The following POU6F2 variants were observed in gnomAD, a reference collection of about 807,000 sequenced individuals.
The protein encoded by POU6F2 is POU domain, class 6, transcription factor 2.
Under a neutral mutation model 71.3 loss-of-function variants are expected in POU6F2, and 31 were observed. The observed-to-expected ratio is 0.43, with a 90% confidence interval of 0.33 to 0.59. POU6F2 has a LOEUF of 0.59. POU6F2 is among the 20% of genes least tolerant of loss of function. The probability of loss-of-function intolerance (pLI) is 0.04; values close to 1 mark genes in which losing one functional copy is unlikely to be tolerated. For synonymous variants in POU6F2, 347 were observed against 355.7 expected, an observed-to-expected ratio of 0.98 and a Z score of 0.27; for missense variants, 783 against 856.8, an observed-to-expected ratio of 0.91 and a Z score of 1.07.
chr7:39,034,582 T>C, intron 1 of POU6F2: 1 of 309,912 alleles, frequency 3.2e-6, no homozygotes, highest in Non-Finnish European at 7.0e-6. Context: ...AGAAGGTCAC[T>C]AGGGGAATCG....
chr7:39,326,543 A>G (rs1356555160), intron 4 of POU6F2, among the ~76,000 whole-genome samples: 3 of 152,258 alleles, frequency 2.0e-5, no homozygotes, highest in Non-Finnish European at 4.4e-5. Flanking sequence ...ATCAAGGAAC[A>G]TGTAGAATCT....
rs1304065851 is a variant in POU6F2, at chr7:39,391,676, G to A, written c.973-14924G>A. Among the ~76,000 whole-genome samples, 3 of 152,130 alleles carry A rather than the reference G, an allele frequency of 2.0e-5. 1 individual carries two copies. Among genetic ancestry groups the A allele is most frequent in the East Asian group, 3.9e-4 (2 of 5,188 alleles). ...AGATGGCAACCCTCTCTTGCAAAGC[G>A]ACAACCAACCCTTTCTCTTCCTCCC... On this transcript the variant is annotated intron_variant, in intron 5 of 9. Transcript: ENST00000518318.
intron 1 of POU6F2, among the ~76,000 whole-genome samples, chr7:39,028,313 T>A (rs1426509079): frequency 6.6e-6 from 1 of 152,194 alleles, no homozygotes; most frequent in East Asian, 1.9e-4. Flanking sequence ...CATTTTTTAA[T>A]TTTGATGCAG....
chr7:39,444,591 C>T (rs1002233878), intron 7 of POU6F2, among the ~76,000 whole-genome samples: 1 of 152,190 alleles, frequency 6.6e-6, no homozygotes, highest in Non-Finnish European at 1.5e-5. Context: ...CTCAAACAAA[C>T]AAACAACCAG....
rs1232055444 is a variant in POU6F2, at chr7:39,466,405, G to A, written c.*1719G>A. Reference sequence around the variant, plus strand: ...CAGCTGCCACTGGTGTTTTCACCCAGGTACAGGCAGACGGTGTTCCATTAA... The same window carrying A: ...CAGCTGCCACTGGTGTTTTCACCCAAGTACAGGCAGACGGTGTTCCATTAA... On this transcript the variant is annotated 3_prime_UTR_variant, in exon 10 of 10. Transcript: ENST00000518318. 6.6e-6 allele frequency: 1 copy of A among 152,264 alleles called. No individual in the cohort carries two copies. The highest frequency in any genetic ancestry group is 2.4e-5 in the African/African-American group (1 of 41,470). 9.4% of individuals were successfully genotyped at this position (152,264 alleles called of 1,614,324 possible).
chr7:39,304,763 A>G (rs1785019313), intron 4 of POU6F2, among the ~76,000 whole-genome samples: 1 of 152,204 alleles, frequency 6.6e-6, no homozygotes, highest in African/African-American at 2.4e-5. Context: ...TATCTTGCAG[A>G]AAATGTCTAA....
chr7:39,051,871 T>G, intron 1 of POU6F2, among the ~76,000 whole-genome samples: 1 of 152,160 alleles, frequency 6.6e-6, no homozygotes, highest in South Asian at 2.1e-4. Context: ...ATTTATTCTC[T>G]GCTTACTGAA....
At chr7:39,366,217 A>C (rs1184263502) in intron 5 of POU6F2, among the ~76,000 whole-genome samples, 1 of 152,204 alleles carries the variant, frequency 6.6e-6, no homozygotes, top group African/African-American at 2.4e-5. Flanking sequence ...TACCTGAGAC[A>C]AGGGAAAGGG....
rs575583808 is a variant in POU6F2, at chr7:39,162,963, G to A, written c.278-41272G>A. Among the ~76,000 whole-genome samples, 5 of 152,216 alleles carry A rather than the reference G, an allele frequency of 3.3e-5. No homozygotes were observed. The South Asian group carries it at 1.0e-3, about 32-fold the overall frequency. On this transcript the variant is annotated intron_variant, in intron 2 of 9. Transcript: ENST00000518318. ...AACAAAGTTAGAACCTTTTAGCTGT[G>A]TGTCTCTACTATTACCCCACACTCT...
intron 1 of POU6F2, among the ~76,000 whole-genome samples, chr7:39,067,693 T>G (rs1313716686): frequency 4.6e-5 from 7 of 152,128 alleles, no homozygotes; most frequent in African/African-American, 9.6e-5. Context: ...GTTATTACAT[T>G]TTTATAATTA....
chr7:39,146,264 G>A (rs986700134), intron 2 of POU6F2, among the ~76,000 whole-genome samples: 2 of 152,170 alleles, frequency 1.3e-5, no homozygotes, highest in African/African-American at 4.8e-5. Flanking sequence ...TAATGTGACT[G>A]TAATGGAACC....
At chr7:39,144,625 ATCAGGCAACACCTTTG>A (rs1484982874) in intron 2 of POU6F2, among the ~76,000 whole-genome samples, 1 of 152,212 alleles carries the variant, frequency 6.6e-6, no homozygotes, top group Admixed American at 6.5e-5. Flanking sequence ...TTCATCTATG[ATCAGGCAACACCTTTG>A]TGAGTTTCTC....
chr7:39,458,751 T>C (rs1214022564), intron 8 of POU6F2, among the ~76,000 whole-genome samples: 1 of 152,120 alleles, frequency 6.6e-6, no homozygotes, highest in East Asian at 1.9e-4. Flanking sequence ...AGATTCTCAG[T>C]GTGCTACACT....
At position 39,327,688 on chromosome 7, in the gene POU6F2, T is replaced by C. The variant is rs143133603; in HGVS notation, c.599-11954T>C. ...CCTGATATAAAATATATAAATCATATATATATAAAATTCTGTGTACATATA... is the reference window on the plus strand; with the variant it reads ...CCTGATATAAAATATATAAATCATACATATATAAAATTCTGTGTACATATA... On this transcript the variant is annotated intron_variant, in intron 4 of 9. Coordinates refer to ENST00000518318, the MANE Select transcript of POU6F2 (RefSeq NM_001370959.1). 4.0e-3 allele frequency among the ~76,000 whole-genome samples: 607 copies of C among 152,004 alleles called. 33 individuals are homozygous for C. In the East Asian group the frequency reaches 0.11, roughly 27 times the overall value.
chr7:39,205,658 C>G (rs1793996193), intron 3 of POU6F2, among the ~76,000 whole-genome samples: 1 of 152,152 alleles, frequency 6.6e-6, no homozygotes, highest in Non-Finnish European at 1.5e-5. Context: ...TTATTTTGCT[C>G]ATTAGAATAA....
chr7:39,110,276 A>AG (rs1271634628), intron 2 of POU6F2, among the ~76,000 whole-genome samples: 1 of 151,084 alleles, frequency 6.6e-6, no homozygotes, highest in Non-Finnish European at 1.5e-5. Context: ...CTCAAAAAAA[A>AG]AAAAAAAAAA....
chr7:39,178,080 AC>A (rs1228216682), intron 2 of POU6F2, among the ~76,000 whole-genome samples: 1 of 152,044 alleles, frequency 6.6e-6, no homozygotes, highest in Non-Finnish European at 1.5e-5. Flanking sequence ...ACGGTGAACC[AC>A]CGTCTCTACT....
At chr7:39,385,911 G>A (rs916944922) in intron 5 of POU6F2, among the ~76,000 whole-genome samples, 7 of 151,982 alleles carry the variant, frequency 4.6e-5, no homozygotes, top group African/African-American at 7.3e-5. Context: ...TCAGGAGATC[G>A]AGACCATCCT....
At chr7:39,317,994 GC>G in intron 4 of POU6F2, among the ~76,000 whole-genome samples, 1 of 152,224 alleles carries the variant, frequency 6.6e-6, no homozygotes, top group African/African-American at 2.4e-5. Flanking sequence ...TTTCTTCGCA[GC>G]CTGACTGTCT....
Sources: gnomAD v4.1 joint callset for allele counts (sites outside exome capture counted in the v4.1 genomes callset) on GRCh38, gnomAD v4.1.1 for gene constraint, MANE v1.5 for transcripts, NCBI Gene and HGNC (gene_info 2026-07-23, HGNC 2026-07-21) for gene names.